Variants in CUBN observed in about 807,000 individuals in gnomAD.
The protein encoded by CUBN is 460 kDa receptor.
CUBN carries 282 observed loss-of-function variants against 405.3 expected under a neutral mutation model. The observed-to-expected ratio is 0.70, with a 90% CI of 0.63 to 0.77. CUBN has a LOEUF of 0.77. Ranked by LOEUF, CUBN falls within the 30% of genes least tolerant of loss-of-function variation. The pLI is 0.00. For synonymous variants in CUBN, 1,684 were observed against 1,617.0 expected (o/e 1.04, Z -0.99); for missense variants, 4,514 against 4,475.2 (o/e 1.01, Z -0.25).
intron 4 of CUBN, among the ~76,000 whole-genome samples, chr10:17,125,558 T>C (rs1048064659): frequency 3.9e-5 from 6 of 152,202 alleles, no homozygotes; most frequent in Non-Finnish European, 8.8e-5. Flanking sequence ...AGGTTTTCTG[T>C]CAGACAAAAG....
At chr10:16,869,121 G>T (rs1840272427) in intron 59 of CUBN, among the ~76,000 whole-genome samples, 1 of 147,138 alleles carries the variant, frequency 6.8e-6, no homozygotes. Flanking sequence ...TCCTTCCCAT[G>T]TTGTAGGTTC....
chr10:17,124,921 T>A (rs1211447904), intron 4 of CUBN, among the ~76,000 whole-genome samples: 1 of 151,554 alleles, frequency 6.6e-6, no homozygotes, highest in Non-Finnish European at 1.5e-5. Flanking sequence ...AACCTCCACC[T>A]CTTGGGTTGA....
chr10:17,086,055 T>C (rs1836102207), intron 15 of CUBN, among the ~76,000 whole-genome samples: 1 of 149,396 alleles, frequency 6.7e-6, no homozygotes, highest in African/African-American at 2.5e-5. Flanking sequence ...AACCTCCACC[T>C]CCCAGGTTCA....
chr10:17,093,891 C>G (rs750423404), intron 14 of CUBN, among the ~76,000 whole-genome samples: 8 of 151,980 alleles, frequency 5.3e-5, no homozygotes, highest in African/African-American at 1.4e-4. Context: ...AAAAAGAAGG[C>G]AAGAATATAA....
At chr10:17,005,932 C>T (rs1445348602) in intron 28 of CUBN, among the ~76,000 whole-genome samples, 1 of 152,076 alleles carries the variant, frequency 6.6e-6, no homozygotes, top group Non-Finnish European at 1.5e-5. Context: ...GACTGGTGTC[C>T]TTATAAGGAG....
At chr10:17,064,772 T>G (rs1835575979) in intron 22 of CUBN, among the ~76,000 whole-genome samples, 1 of 152,142 alleles carries the variant, frequency 6.6e-6, no homozygotes. Flanking sequence ...CAAAAGGGAT[T>G]TGTTTCCTAT....
intron 5 of CUBN, among the ~76,000 whole-genome samples, 187 bp from the exon 6 acceptor site, chr10:17,123,085 C>T (rs1403825153): frequency 1.3e-5 from 2 of 152,178 alleles, no homozygotes; most frequent in African/African-American, 4.8e-5. Context: ...CCTAATAGAA[C>T]ACAAGAGCTC....
At chr10:17,015,646 T>C (rs1165393503) in intron 28 of CUBN, among the ~76,000 whole-genome samples, 2 of 152,184 alleles carry the variant, frequency 1.3e-5, no homozygotes. Context: ...TAACATGAGC[T>C]GGCACTTGCC....
intron 36 of CUBN, among the ~76,000 whole-genome samples, chr10:16,945,929 T>G (rs1842766560): frequency 6.6e-6 from 1 of 152,122 alleles, no homozygotes; most frequent in Non-Finnish European, 1.5e-5. Flanking sequence ...AAAAAGCAAC[T>G]TGAGATGTTT....
chr10:16,864,653 C>CTTTTT (rs1840114666), intron 59 of CUBN, among the ~76,000 whole-genome samples: 2 of 123,984 alleles, frequency 1.6e-5, no homozygotes, highest in Admixed American at 9.1e-5. Context: ...GTCTTTTTTT[C>CTTTTT]TTTCTTTTTT....
At chr10:17,073,880 T>C (rs1465291487) in intron 17 of CUBN, among the ~76,000 whole-genome samples, 1 of 152,194 alleles carries the variant, frequency 6.6e-6, no homozygotes, top group Non-Finnish European at 1.5e-5. Context: ...CATGGGATTG[T>C]TGAAGCAAAC....
intron 28 of CUBN, among the ~76,000 whole-genome samples, chr10:17,003,630 A>T (rs540598589): frequency 6.6e-6 from 1 of 152,154 alleles, no homozygotes; most frequent in Non-Finnish European, 1.5e-5. Context: ...TCTGTATTTC[A>T]AAGTTATAAC....
intron 59 of CUBN, among the ~76,000 whole-genome samples, chr10:16,858,258 C>G (rs1839915298): frequency 6.6e-6 from 1 of 152,138 alleles, no homozygotes; most frequent in African/African-American, 2.4e-5. Context: ...TAATGCAATT[C>G]CTATAAAAAT....
chr10:17,111,690 G>A (rs1442554998), intron 8 of CUBN, among the ~76,000 whole-genome samples: 7 of 152,170 alleles, frequency 4.6e-5, no homozygotes, highest in Admixed American at 2.0e-4. Flanking sequence ...TTGGGAGGCC[G>A]AGGTGGGCAG....
At chr10:17,047,068 C>G in intron 23 of CUBN, among the ~76,000 whole-genome samples, 1 of 152,056 alleles carries the variant, frequency 6.6e-6, no homozygotes, top group East Asian at 1.9e-4. Context: ...AGCAAACAGC[C>G]TAAAATTTAC....
At chr10:17,090,815 G>C (rs1215305740) in intron 14 of CUBN, among the ~76,000 whole-genome samples, 1 of 98,022 alleles carries the variant, frequency 1.0e-5, no homozygotes, top group Non-Finnish European at 1.9e-5. Flanking sequence ...AGAAGAGGTA[G>C]AAATGTAAAG....
intron 55 of CUBN, among the ~76,000 whole-genome samples, chr10:16,889,953 A>AAAAAAAAAAAG (rs57009841): frequency 0.01 from 1,188 of 117,896 alleles, 212 homozygotes; most frequent in African/African-American, 0.047. Context: ...AAAAAAAAAA[A>AAAAAAAAAAAG]CAGGAAAGAC....
intron 27 of CUBN, among the ~76,000 whole-genome samples, chr10:17,022,961 T>C (rs566791266): frequency 6.6e-6 from 1 of 152,338 alleles, no homozygotes; most frequent in South Asian, 2.1e-4. Flanking sequence ...GCTCGATGTG[T>C]CTTACGGAAT....
intron 41 of CUBN, among the ~76,000 whole-genome samples, chr10:16,926,767 G>T (rs528990757): frequency 4.4e-4 from 66 of 151,454 alleles, no homozygotes; most frequent in African/African-American, 1.6e-3. Flanking sequence ...CATGGAAAAG[G>T]GTGGGAATAA....
Sources: allele counts gnomAD v4.1 joint callset (sites outside exome capture counted in the v4.1 genomes callset), GRCh38; gene constraint gnomAD v4.1.1; transcripts MANE v1.5; gene names NCBI Gene and HGNC (gene_info 2026-07-23, HGNC 2026-07-21).